The following ATP13A4 variants were observed in gnomAD, a reference collection of about 807,000 sequenced individuals.
ATP13A4 encodes the protein probable cation-transporting ATPase 13A4.
ATP13A4 carries 114 observed loss-of-function variants against 142.5 expected under a neutral mutation model. The ratio of observed to expected loss-of-function variants is 0.80; its 90% CI spans 0.69 to 0.93. The LOEUF is 0.93. ATP13A4 is among the 40% of genes least tolerant of loss of function. The pLI is 0.00. For missense variants in ATP13A4, 1,392 were observed against 1,454.0 expected, an observed-to-expected ratio of 0.96 and a Z score of 0.69; for synonymous variants, 488 against 514.8, an observed-to-expected ratio of 0.95 and a Z score of 0.70.
chr3:193,428,501 T>C (rs1715796237), intron 25 of ATP13A4, among the ~76,000 whole-genome samples: 1 of 152,138 alleles, frequency 6.6e-6, no homozygotes, highest in South Asian at 2.1e-4. Context: ...TGTATGTTTA[T>C]TGTGGCACTA....
chr3:193,527,792 G>T (rs1722095733), intron 1 of ATP13A4, among the ~76,000 whole-genome samples: 2 of 152,134 alleles, frequency 1.3e-5, no homozygotes, highest in African/African-American at 4.8e-5. Flanking sequence ...GTCTCAGGAA[G>T]TTGTTTATAG....
chr3:193,532,174 G>A (rs1215084287), intron 1 of ATP13A4, among the ~76,000 whole-genome samples: 1 of 151,948 alleles, frequency 6.6e-6, no homozygotes, highest in Non-Finnish European at 1.5e-5. Flanking sequence ...TGGCATTTAG[G>A]AAGTGCTGAC....
At chr3:193,484,224 A>G (rs547441457) in intron 7 of ATP13A4, among the ~76,000 whole-genome samples, 2 of 152,008 alleles carry the variant, frequency 1.3e-5, no homozygotes, top group Non-Finnish European at 2.9e-5. Flanking sequence ...TCTTCAGCAG[A>G]AAGGAATTTC....
intron 10 of ATP13A4, among the ~76,000 whole-genome samples, 169 bp downstream of exon 10, chr3:193,467,147 A>C (rs538217286): frequency 6.6e-6 from 1 of 152,312 alleles, no homozygotes; most frequent in Non-Finnish European, 1.5e-5. Flanking sequence ...AAAACATCTC[A>C]GGTATCCCAT....
At position 193,566,876 on chromosome 3, in the gene ATP13A4, A is replaced by G. The variant is rs73063972; in HGVS notation, n.291+14831T>C. Among the ~76,000 whole-genome samples the G allele has an allele frequency of 3.1e-3, 470 of 152,360 alleles. 2 individuals carry two copies. Among genetic ancestry groups the G allele is most frequent in the African/African-American group, 0.011 (440 of 41,578 alleles). On this transcript the variant is annotated intron_variant and non_coding_transcript_variant, in intron 2 of 3. Transcript: ENST00000489140. ...AAGTTTTCTGGAAGATTATCTGTTAATATTTATCAAAGAGATTATATGTAT... is the reference window on the plus strand; with the variant it reads ...AAGTTTTCTGGAAGATTATCTGTTAGTATTTATCAAAGAGATTATATGTAT...
At chr3:193,473,367 G>A (rs944771041) in intron 8 of ATP13A4, among the ~76,000 whole-genome samples, 4 of 152,144 alleles carry the variant, frequency 2.6e-5, no homozygotes, top group Non-Finnish European at 5.9e-5. Context: ...AGAAGAGACA[G>A]GTTTTCCTTG....
chr3:193,418,506 C>A (rs916319606), intron 25 of ATP13A4, among the ~76,000 whole-genome samples: 1 of 149,290 alleles, frequency 6.7e-6, no homozygotes, highest in Non-Finnish European at 1.5e-5. Context: ...ACCAGTATGG[C>A]CACATACTGG....
chr3:193,496,137 C>T (rs1720211708), intron 3 of ATP13A4, among the ~76,000 whole-genome samples: 1 of 152,058 alleles, frequency 6.6e-6, no homozygotes, highest in Non-Finnish European at 1.5e-5. Flanking sequence ...ATTAACAATG[C>T]CCATGCTATC....
chr3:193,563,294 C>T (rs1326922634), intron 2 of ATP13A4, among the ~76,000 whole-genome samples: 1 of 152,126 alleles, frequency 6.6e-6, no homozygotes, highest in Non-Finnish European at 1.5e-5. Flanking sequence ...CAGAGAAGGC[C>T]TGGCTAACCC....
intron 2 of ATP13A4, among the ~76,000 whole-genome samples, chr3:193,503,890 T>C (rs968254648): frequency 3.9e-5 from 6 of 152,080 alleles, no homozygotes; most frequent in African/African-American, 1.4e-4. Flanking sequence ...CCTACCACAT[T>C]TTACCCTTTG....
intron 1 of ATP13A4, among the ~76,000 whole-genome samples, chr3:193,547,177 CCTGT>C (rs1336038179): frequency 1.3e-5 from 2 of 152,220 alleles, no homozygotes; most frequent in Non-Finnish European, 2.9e-5. Context: ...TACTCAGCGT[CCTGT>C]CTGACAAGAC....
chr3:193,438,393 C>A, intron 23 of ATP13A4, 82 bp downstream of exon 23: 1 of 1,190,516 alleles, frequency 8.4e-7, no homozygotes, highest in Non-Finnish European at 1.2e-6. Flanking sequence ...GAAAGTTTCT[C>A]TAGTCTTTCC....
At chr3:193,556,732 T>C, upstream of ATP13A4, among the ~76,000 whole-genome samples, 1 of 152,190 alleles carries the variant, frequency 6.6e-6, no homozygotes, top group East Asian at 1.9e-4. Flanking sequence ...TTTTATGAAA[T>C]GTGAATTATA....
chr3:193,573,309 A>T (rs1405601939), intron 2 of ATP13A4, among the ~76,000 whole-genome samples: 161 of 46,580 alleles, frequency 3.5e-3, no homozygotes, highest in South Asian at 7.4e-3. Flanking sequence ...ATATATATAC[A>T]TATATATATA....
chr3:193,545,403 T>C (rs1723162491), intron 1 of ATP13A4, among the ~76,000 whole-genome samples: 1 of 152,130 alleles, frequency 6.6e-6, no homozygotes, highest in Non-Finnish European at 1.5e-5. Context: ...TCCTCTCTGT[T>C]CTTTTTCTGA....
intron 1 of ATP13A4, among the ~76,000 whole-genome samples, chr3:193,586,907 A>G (rs1321522903): frequency 6.6e-6 from 1 of 152,256 alleles, no homozygotes; most frequent in Non-Finnish European, 1.5e-5. Flanking sequence ...GATTGAGTAT[A>G]TAGACTAATT....
chr3:193,577,922 A>G (rs1724430873), intron 2 of ATP13A4, among the ~76,000 whole-genome samples: 1 of 152,250 alleles, frequency 6.6e-6, no homozygotes, highest in South Asian at 2.1e-4. Context: ...AATCTCTTTC[A>G]TTCTCTCTGA....
chr3:193,403,455 T>C (rs1714347014), intron 29 of ATP13A4, among the ~76,000 whole-genome samples: 1 of 152,170 alleles, frequency 6.6e-6, no homozygotes, highest in Non-Finnish European at 1.5e-5. Flanking sequence ...CCCTTCCTTA[T>C]GTTTGTTGTA....
At chr3:193,465,174 A>G in intron 11 of ATP13A4, 46 bp from the exon 12 acceptor site, 1 of 1,590,964 alleles carries the variant, frequency 6.3e-7, no homozygotes, top group Non-Finnish European at 8.6e-7. Flanking sequence ...ATCTCTGATG[A>G]ACAGCATATG....
Sources: gnomAD v4.1 joint callset for allele counts (sites outside exome capture counted in the v4.1 genomes callset) on GRCh38, gnomAD v4.1.1 for gene constraint, MANE v1.5 for transcripts, NCBI Gene and HGNC (gene_info 2026-07-23, HGNC 2026-07-21) for gene names.